The following RBFOX1 variants were observed in gnomAD, a reference collection of about 807,000 sequenced individuals.
RBFOX1 encodes the protein RNA binding protein fox-1 homolog 1.
In RBFOX1, 8 loss-of-function variants were observed where a neutral mutation model predicts 57.7. The ratio of observed to expected loss-of-function variants is 0.14; its 90% confidence interval spans 0.08 to 0.25. The LOEUF (loss-of-function observed/expected upper bound fraction) is 0.25. RBFOX1 is among the 10% of genes least tolerant of loss of function. The pLI is 1.00. For missense variants in RBFOX1, 611 were observed against 548.5 expected (o/e 1.11, Z -1.14); for synonymous variants, 326 against 222.4 (o/e 1.47, Z -4.15).
At chr16:7,108,733 T>C (rs1277437630) in intron 4 of RBFOX1, among the ~76,000 whole-genome samples, 1 of 152,148 alleles carries the variant, frequency 6.6e-6, no homozygotes, top group Non-Finnish European at 1.5e-5. Flanking sequence ...ATAGCACTAG[T>C]GGAAATTTAT....
upstream of RBFOX1, among the ~76,000 whole-genome samples, chr16:6,018,464 A>G (rs2095013627): frequency 6.6e-6 from 1 of 152,160 alleles, no homozygotes; most frequent in Admixed American, 6.5e-5. Context: ...GCTGTAAGAC[A>G]TCTGCTAGGA....
intron 4 of RBFOX1, among the ~76,000 whole-genome samples, chr16:7,146,939 AC>A (rs1172562389): frequency 1.5e-5 from 2 of 135,942 alleles, no homozygotes; most frequent in African/African-American, 5.6e-5. Flanking sequence ...ACAGAGTGAT[AC>A]CCTGCATCAA....
At chr16:5,510,671 C>T (rs141600101) in intron 2 of RBFOX1, among the ~76,000 whole-genome samples, 4 of 152,264 alleles carry the variant, frequency 2.6e-5, no homozygotes, top group African/African-American at 9.6e-5. Flanking sequence ...TTGTAGGTGG[C>T]CTGTGAGCTA....
intron 1 of RBFOX1, among the ~76,000 whole-genome samples, chr16:6,298,967 C>T (rs2078465481): frequency 6.6e-6 from 1 of 152,132 alleles, no homozygotes; most frequent in Admixed American, 6.5e-5. Context: ...TCATTGGTGA[C>T]AGTGGATGGA....
At chr16:6,869,893 T>C (rs1052736128) in intron 3 of RBFOX1, among the ~76,000 whole-genome samples, 2 of 152,278 alleles carry the variant, frequency 1.3e-5, no homozygotes, top group African/African-American at 4.8e-5. Context: ...CTCCCCGCAG[T>C]AAAAGCAATT....
chr16:7,340,488 C>G (rs1309039771), intron 4 of RBFOX1, among the ~76,000 whole-genome samples: 2 of 152,224 alleles, frequency 1.3e-5, no homozygotes, highest in African/African-American at 2.4e-5. Context: ...ACAGTCATGT[C>G]TTCCACTCGT....
intron 4 of RBFOX1, among the ~76,000 whole-genome samples, chr16:7,296,978 T>C (rs915384204): frequency 1.3e-5 from 2 of 152,156 alleles, no homozygotes; most frequent in African/African-American, 4.8e-5. Context: ...CTTAGTGGCT[T>C]ACAGCAGAAC....
chr16:5,709,569 C>G (rs2051374911), intron 3 of RBFOX1, among the ~76,000 whole-genome samples: 1 of 151,538 alleles, frequency 6.6e-6, no homozygotes, highest in African/African-American at 2.4e-5. Context: ...CTCTCATTCT[C>G]CCAGGCCTCC....
chr16:6,830,297 C>G (rs574045422), intron 3 of RBFOX1, among the ~76,000 whole-genome samples: 16 of 152,176 alleles, frequency 1.1e-4, no homozygotes, highest in Non-Finnish European at 2.1e-4. Context: ...CAGGGAAAGT[C>G]TAAAATAATA....
At chr16:7,075,233 G>A (rs534632438) in intron 4 of RBFOX1, among the ~76,000 whole-genome samples, 3 of 152,318 alleles carry the variant, frequency 2.0e-5, no homozygotes, top group Non-Finnish European at 4.4e-5. Flanking sequence ...GGTACCAACA[G>A]TAAAAGTGCT....
intron 4 of RBFOX1, among the ~76,000 whole-genome samples, chr16:7,056,086 C>G (rs1235576155): frequency 1.3e-5 from 2 of 152,114 alleles, no homozygotes; most frequent in East Asian, 1.9e-4. Context: ...GTCATATCCC[C>G]TCAGCATTAG....
intron 4 of RBFOX1, among the ~76,000 whole-genome samples, chr16:7,057,880 C>A (rs112805394): frequency 6.6e-6 from 1 of 151,706 alleles, no homozygotes; most frequent in Non-Finnish European, 1.5e-5. Flanking sequence ...TGGTGGCGGG[C>A]GCCTGTAGTC....
At chr16:6,284,650 G>A (rs935062262) in intron 1 of RBFOX1, among the ~76,000 whole-genome samples, 1 of 152,076 alleles carries the variant, frequency 6.6e-6, no homozygotes, top group Non-Finnish European at 1.5e-5. Context: ...AAAGTGGAGA[G>A]GTCCTTGGTT....
At chr16:6,869,131 C>T (rs903953181) in intron 3 of RBFOX1, among the ~76,000 whole-genome samples, 1 of 152,204 alleles carries the variant, frequency 6.6e-6, no homozygotes, top group African/African-American at 2.4e-5. Context: ...CCCATACTGG[C>T]TTATGCATCT....
intron 1 of RBFOX1, among the ~76,000 whole-genome samples, chr16:6,232,576 G>C (rs2097472184): frequency 1.3e-5 from 2 of 152,084 alleles, no homozygotes; most frequent in African/African-American, 4.8e-5. Flanking sequence ...TCTTGCCTTG[G>C]AGATTGACTT....
At chr16:7,047,426 C>G (rs959503685) in intron 3 of RBFOX1, among the ~76,000 whole-genome samples, 2 of 151,956 alleles carry the variant, frequency 1.3e-5, no homozygotes, top group Admixed American at 6.6e-5. Flanking sequence ...ATCCATAGTT[C>G]TTTGAATTGT....
intron 3 of RBFOX1, among the ~76,000 whole-genome samples, chr16:6,989,855 C>T (rs992804330): frequency 6.6e-6 from 1 of 151,874 alleles, no homozygotes; most frequent in Non-Finnish European, 1.5e-5. Flanking sequence ...CAAACATTAG[C>T]CAGGCCTGGT....
chr16:5,756,909 C>G (rs1201923152), intron 3 of RBFOX1, among the ~76,000 whole-genome samples: 1 of 152,112 alleles, frequency 6.6e-6, no homozygotes, highest in Non-Finnish European at 1.5e-5. Context: ...TATAAGGGTT[C>G]TACAAGATGA....
intron 2 of RBFOX1, among the ~76,000 whole-genome samples, chr16:6,582,860 C>T (rs1050260069): frequency 1.4e-5 from 2 of 140,280 alleles, no homozygotes; most frequent in South Asian, 2.4e-4. Flanking sequence ...ACAGAAACAA[C>T]TGAGCTACAG....
Sources: gnomAD v4.1 joint callset for allele counts (sites outside exome capture counted in the v4.1 genomes callset) on GRCh38, gnomAD v4.1.1 for gene constraint, MANE v1.5 for transcripts, NCBI Gene and HGNC (gene_info 2026-07-23, HGNC 2026-07-21) for gene names.